ABCB7: variants seen among roughly 807,000 people sequenced by gnomAD.
ABCB7 encodes the protein ATP binding cassette subfamily B member 7.
A neutral mutation model predicts 54.4 loss-of-function variants in ABCB7; 7 were observed. That is an observed-to-expected ratio of 0.13 (90% CI 0.07 to 0.24). The LOEUF (loss-of-function observed/expected upper bound fraction) is 0.24. ABCB7 is among the 10% of genes least tolerant of loss of function. The pLI is 1.00. For missense variants in ABCB7, 356 were observed against 570.4 expected (o/e 0.62, Z 3.83); for synonymous variants, 218 against 207.1 (o/e 1.05, Z -0.45).
chrX:75,067,480 C>CT (rs757405945), intron 12 of ABCB7, among the ~76,000 whole-genome samples: 83 of 108,797 alleles, frequency 7.6e-4, no homozygotes, highest in South Asian at 1.6e-3. Flanking sequence ...TTTCTTTTTC[C>CT]TTTTTTTTTC....
At chrX:75,086,599 A>G (rs1040678949) in intron 4 of ABCB7, among the ~76,000 whole-genome samples, 3 of 112,183 alleles carry the variant, frequency 2.7e-5, no homozygotes, top group African/African-American at 9.7e-5. Context: ...CTAAACAAGT[A>G]AAAAAGAATT....
chrX:75,139,026 G>A (rs944505869), intron 1 of ABCB7, among the ~76,000 whole-genome samples: 1 of 104,849 alleles, frequency 9.5e-6, no homozygotes, highest in African/African-American at 3.5e-5. Flanking sequence ...AAAAAAAAAA[G>A]GGATCTTCAG....
chrX:75,109,336 T>C (rs1243695408), intron 3 of ABCB7, among the ~76,000 whole-genome samples: 7 of 112,174 alleles, frequency 6.2e-5, no homozygotes, highest in Non-Finnish European at 1.3e-4. Flanking sequence ...ATTAATAAAT[T>C]GAATACACAT....
chrX:75,120,218 A>G (rs1410147249), intron 1 of ABCB7, among the ~76,000 whole-genome samples: 2 of 112,560 alleles, frequency 1.8e-5, no homozygotes, highest in Non-Finnish European at 3.7e-5. Flanking sequence ...AATTTGGAGC[A>G]TATATGTTTC....
Position 75,104,047 on chromosome X carries a change from G to GTT in ABCB7, c.334-4988_334-4987dup, listed in dbSNP as rs757074347. On this transcript the variant is annotated intron_variant, in intron 3 of 15. Transcript: ENST00000373394. ...AAATGGGCATCCCTGTCTTGTTACA[G>GTT]TTTTTTTTTTTTTTTTTTTTTTTTT... 5.9e-3 allele frequency among the ~76,000 whole-genome samples: 80 copies of GTT among 13,446 alleles called. 19 individuals are homozygous for GTT. The highest frequency in any genetic ancestry group is 0.01 in the Non-Finnish European group (59 of 5,715). 11.7% of individuals were successfully genotyped at this position (13,446 alleles called of 115,157 possible). A position where few individuals can be genotyped will look rare whatever the true frequency, so the allele number is the denominator to read the frequency against.
chrX:75,119,668 A>G (rs1351031437), intron 1 of ABCB7, among the ~76,000 whole-genome samples: 2 of 111,692 alleles, frequency 1.8e-5, no homozygotes, highest in Non-Finnish European at 3.8e-5. Flanking sequence ...CAAATATGAA[A>G]TGGTATTTGG....
intron 14 of ABCB7, 78 bp from the exon 15 acceptor site, chrX:75,060,408 T>C: frequency 2.5e-6 from 2 of 799,679 alleles, no homozygotes; most frequent in Non-Finnish European, 3.7e-6. Flanking sequence ...AAAATAATCA[T>C]ACATTTCCTA....
At position 75,136,737 on chromosome X, in the gene ABCB7, C is replaced by G. The variant is rs958525611; in HGVS notation, c.168+19368G>C. On this transcript the variant is annotated intron_variant, in intron 1 of 15. Transcript: ENST00000373394. ...GAGGACCCAGAAATAAAGCTGCACA[C>G]CAACAGCCATCTGATGTTCAACAAA... Among the ~76,000 whole-genome samples the G allele has an allele frequency of 4.5e-5, 5 of 111,768 alleles. No homozygotes were observed. The South Asian group carries it at 1.1e-3, about 25-fold the overall frequency.
intron 1 of ABCB7, among the ~76,000 whole-genome samples, chrX:75,125,846 TC>T (rs758490438): frequency 3.7e-5 from 4 of 107,706 alleles, no homozygotes; most frequent in Non-Finnish European, 5.8e-5. Flanking sequence ...CTCTACCCAA[TC>T]CCCCCCCAAA....
At chrX:75,117,917 T>C (rs1018222736) in intron 1 of ABCB7, among the ~76,000 whole-genome samples, 1 of 112,131 alleles carries the variant, frequency 8.9e-6, no homozygotes, top group African/African-American at 3.2e-5. Context: ...TTTCTCTCTC[T>C]GTGTGAACTG....
chrX:75,061,940 AGGTT>A (rs1319371639), intron 14 of ABCB7, among the ~76,000 whole-genome samples: 2 of 112,462 alleles, frequency 1.8e-5, no homozygotes, highest in Non-Finnish European at 3.8e-5. Context: ...ACCATGTCAC[AGGTT>A]TCACAATCAC....
intron 1 of ABCB7, among the ~76,000 whole-genome samples, chrX:75,139,833 AG>A (rs1317823813): frequency 1.8e-5 from 2 of 112,008 alleles, no homozygotes; most frequent in Non-Finnish European, 3.8e-5. Context: ...ATAATCATAC[AG>A]GCTAGTACAA....
intron 1 of ABCB7, among the ~76,000 whole-genome samples, chrX:75,134,833 T>C (rs1488684355): frequency 1.8e-5 from 2 of 111,566 alleles, no homozygotes; most frequent in Non-Finnish European, 3.8e-5. Context: ...CGCAGTGTTA[T>C]GATGAAAACT....
chrX:75,144,899 T>C (rs1010220932), intron 1 of ABCB7, among the ~76,000 whole-genome samples: 18 of 110,692 alleles, frequency 1.6e-4, no homozygotes, highest in African/African-American at 5.6e-4. Flanking sequence ...CAGCAAATAC[T>C]TCCAGGAATG....
chrX:75,155,987 C>T (rs921208307), intron 1 of ABCB7, 118 bp downstream of exon 1: 1 of 827,981 alleles, frequency 1.2e-6, no homozygotes, highest in African/African-American at 2.1e-5. Context: ...TACTGCTGCT[C>T]CCAGTTAGCC....
At chrX:75,118,365 G>A (rs914045720) in intron 1 of ABCB7, among the ~76,000 whole-genome samples, 3 of 109,643 alleles carry the variant, frequency 2.7e-5, no homozygotes, top group Non-Finnish European at 3.8e-5. Flanking sequence ...AATATCAGCC[G>A]GCTAAAGTCT....
At chrX:75,107,205 G>T (rs2081711977) in intron 3 of ABCB7, among the ~76,000 whole-genome samples, 1 of 111,451 alleles carries the variant, frequency 9.0e-6, no homozygotes, top group South Asian at 3.8e-4. Context: ...GAGAGTAATC[G>T]ATCCCATAAA....
chrX:75,091,739 T>C (rs1354105094), intron 4 of ABCB7, among the ~76,000 whole-genome samples: 2 of 109,541 alleles, frequency 1.8e-5, no homozygotes, highest in East Asian at 2.8e-4. Flanking sequence ...GGTTGCAGCA[T>C]ACAAGGTCAT....
Position 75,053,185 on chromosome X carries a change from G to T in ABCB7, c.*185C>A. 1 of 604,854 alleles carries T rather than the reference G, an allele frequency of 1.7e-6. No homozygotes were observed. Among genetic ancestry groups the T allele is most frequent in the Non-Finnish European group, 2.5e-6 (1 of 403,672 alleles). 49.8% of individuals were successfully genotyped at this position (604,854 alleles called of 1,213,427 possible). Reference sequence around the variant, plus strand: ...GACAGTGACAAGAAAATAATTTGGGGATAAATACAGATGCCACATTAAATA... The same window carrying T: ...GACAGTGACAAGAAAATAATTTGGGTATAAATACAGATGCCACATTAAATA... On this transcript the variant is annotated 3_prime_UTR_variant, in exon 16 of 16. Coordinates refer to ENST00000373394, the MANE Select transcript of ABCB7 (RefSeq NM_001271696.3).
Sources: allele counts gnomAD v4.1 joint callset (sites outside exome capture counted in the v4.1 genomes callset), GRCh38; gene constraint gnomAD v4.1.1; transcripts MANE v1.5; gene names NCBI Gene and HGNC (gene_info 2026-07-23, HGNC 2026-07-21).